The following ZNF267 variants were observed in gnomAD, a reference collection of about 807,000 sequenced individuals.
ZNF267 encodes zinc finger (C2H2).
Under a neutral mutation model 71.6 loss-of-function variants are expected in ZNF267, and 61 were observed. The observed-to-expected ratio is 0.85, with a 90% CI of 0.69 to 1.05. ZNF267 has a LOEUF of 1.05. Among genes scored for constraint, ZNF267 ranks in the 50% least tolerant of loss-of-function variants. The pLI is 0.00. For synonymous variants in ZNF267, 288 were observed against 293.2 expected (o/e 0.98, Z 0.18); for missense variants, 852 against 870.0 (o/e 0.98, Z 0.26).
chr16:31,886,109 A>G (rs901162070), intron 3 of ZNF267, among the ~76,000 whole-genome samples: 11 of 152,260 alleles, frequency 7.2e-5, no homozygotes, highest in African/African-American at 2.6e-4. Context: ...TTCTAGACAT[A>G]TGATTCTTTC....
Position 31,916,678 on chromosome 16 carries a change from A to G in ZNF267, c.*197A>G, listed in dbSNP as rs926268806. On this transcript the variant is annotated 3_prime_UTR_variant, in exon 4 of 4. Transcript: ENST00000300870. ...TTAAAAATGTGGCAAATTATTTTAAACTGTGCTCAACCCTTACTCAAGATA... is the reference window on the plus strand; with the variant it reads ...TTAAAAATGTGGCAAATTATTTTAAGCTGTGCTCAACCCTTACTCAAGATA... 3.3e-6 allele frequency: 2 copies of G among 609,074 alleles called. No homozygotes were observed. Among genetic ancestry groups the G allele is most frequent in the Admixed American group, 3.1e-5 (1 of 32,326 alleles). The allele number at this position is 609,074 out of a possible 1,614,324, so 37.7% of individuals were successfully genotyped here.
intron 1 of ZNF267, 77 bp downstream of exon 1, chr16:31,874,046 A>C: frequency 6.6e-7 from 1 of 1,520,892 alleles, no homozygotes; most frequent in Non-Finnish European, 9.0e-7. Flanking sequence ...CTGTAGGGGC[A>C]CCCGGGCCTC....
At position 31,896,459 on chromosome 16, in the gene ZNF267, A is replaced by T. The variant is rs575425157; in HGVS notation, c.226+11203A>T. Among the ~76,000 whole-genome samples, 129 of 152,300 alleles carry T rather than the reference A, an allele frequency of 8.5e-4. 1 individual carries two copies. Among genetic ancestry groups the T allele is most frequent in the Non-Finnish European group, 1.5e-3 (104 of 68,026 alleles). On this transcript the variant is annotated intron_variant, in intron 3 of 3. Transcript: ENST00000300870. ...TCCAGTTTGACTTGATTTTTTTGGT[A>T]TATGGTGAGTGGTAGCAGTGTAGTC...
intron 1 of ZNF267, among the ~76,000 whole-genome samples, chr16:31,881,670 C>CTTTTTTTTTTTT (rs747627467): frequency 7.2e-5 from 9 of 125,532 alleles, no homozygotes; most frequent in South Asian, 2.5e-4. Flanking sequence ...TTTTCTTCTT[C>CTTTTTTTTTTTT]TTTTTTTTTT....
At chr16:31,912,411 C>A (rs2084142041) in intron 3 of ZNF267, 1 of 151,832 alleles carries the variant, frequency 6.6e-6, no homozygotes, top group South Asian at 2.1e-4. Flanking sequence ...AATCTGCTGC[C>A]AGACGTACTG....
At chr16:31,878,857 T>C (rs999516454) in intron 1 of ZNF267, among the ~76,000 whole-genome samples, 3 of 152,226 alleles carry the variant, frequency 2.0e-5, no homozygotes, top group African/African-American at 7.2e-5. Flanking sequence ...CTCAAGACCA[T>C]GGCGCTAGAT....
At chr16:31,898,967 A>G (rs2142348202) in intron 3 of ZNF267, among the ~76,000 whole-genome samples, 1 of 152,304 alleles carries the variant, frequency 6.6e-6, no homozygotes, top group Non-Finnish European at 1.5e-5. Flanking sequence ...AAAGGGATCA[A>G]TTCCGCAAGA....
At chr16:31,913,924 C>G (rs576768033) in intron 3 of ZNF267, 1 of 152,666 alleles carries the variant, frequency 6.6e-6, no homozygotes, top group East Asian at 1.9e-4. Context: ...GCTGGTACCT[C>G]AGGTGCAAGA....
rs1475782386 is a variant in ZNF267, at chr16:31,908,907, TG to T, written c.227-5568del. 2.6e-5 allele frequency among the ~76,000 whole-genome samples: 4 copies of T among 152,106 alleles called. No individual in the cohort carries two copies. The East Asian group carries it at 5.8e-4, about 22-fold the overall frequency. ...GATAGCTTTGCTATTCTGAGTCTTT[TG>T]TGGTTCCATATATATTTTAGGATTG... On this transcript the variant is annotated intron_variant, in intron 3 of 3. Transcript: ENST00000300870.
At chr16:31,899,149 T>G (rs955917384) in intron 3 of ZNF267, among the ~76,000 whole-genome samples, 5 of 152,144 alleles carry the variant, frequency 3.3e-5, no homozygotes, top group Non-Finnish European at 7.4e-5. Flanking sequence ...CAAGGATATC[T>G]AGGACTTGAA....
At chr16:31,906,295 C>G (rs2084089574) in intron 3 of ZNF267, among the ~76,000 whole-genome samples, 1 of 152,232 alleles carries the variant, frequency 6.6e-6, no homozygotes, top group Non-Finnish European at 1.5e-5. Context: ...CCACTACTCT[C>G]TTCAAAGCTG....
chr16:31,886,010 C>T (rs2083921682), intron 3 of ZNF267, among the ~76,000 whole-genome samples: 1 of 152,130 alleles, frequency 6.6e-6, no homozygotes, highest in African/African-American at 2.4e-5. Flanking sequence ...TAAACTGTTG[C>T]CTTGTATCTT....
At chr16:31,884,694 G>A (rs1296172242) in intron 2 of ZNF267, 70 bp downstream of exon 2, 3 of 1,502,270 alleles carry the variant, frequency 2.0e-6, no homozygotes, top group African/African-American at 1.4e-5. Flanking sequence ...TGTCCCTTGG[G>A]ATCTTGTGCT....
intron 3 of ZNF267, among the ~76,000 whole-genome samples, chr16:31,888,473 A>G (rs1427163917): frequency 1.3e-5 from 2 of 151,936 alleles, no homozygotes; most frequent in Non-Finnish European, 2.9e-5. Context: ...TCAGCATTTC[A>G]CTGTTTACTC....
chr16:31,895,079 G>A lies in ZNF267; in HGVS notation c.226+9823G>A, dbSNP rs573239190. On this transcript the variant is annotated intron_variant, in intron 3 of 3. Coordinates refer to ENST00000300870, the MANE Select transcript of ZNF267 (RefSeq NM_003414.6). ...GGGGCCTTCTGCTTTGCTGATGGCC[G>A]ACATCACCTCTCATATCATCTTGCT... 38 of 226,310 alleles carry A rather than the reference G, an allele frequency of 1.7e-4. No individual in the cohort carries two copies. In the Admixed American group the frequency reaches 1.9e-3, roughly 11 times the overall value. The allele number at this position is 226,310 out of a possible 1,614,324, so 14.0% of individuals were successfully genotyped here. A position where few individuals can be genotyped will look rare whatever the true frequency, so the allele number is the denominator to read the frequency against.
chr16:31,885,632 T>C (rs948649207), intron 3 of ZNF267, among the ~76,000 whole-genome samples: 1 of 152,188 alleles, frequency 6.6e-6, no homozygotes, highest in Non-Finnish European at 1.5e-5. Context: ...GTCAGAAGTG[T>C]GTGAGGAGAG....
chr16:31,904,980 G>A (rs535968381), intron 3 of ZNF267, among the ~76,000 whole-genome samples: 3 of 152,124 alleles, frequency 2.0e-5, no homozygotes. Context: ...GGGCAGGCCT[G>A]GTGGTGACAA....
intron 3 of ZNF267, among the ~76,000 whole-genome samples, chr16:31,891,815 G>A: frequency 6.6e-6 from 1 of 152,110 alleles, no homozygotes; most frequent in South Asian, 2.1e-4. Context: ...TTATGAAAAC[G>A]GAGTAATACA....
intron 3 of ZNF267, among the ~76,000 whole-genome samples, chr16:31,889,255 GTC>G (rs779378659): frequency 7.0e-6 from 1 of 143,268 alleles, no homozygotes; most frequent in East Asian, 2.1e-4. Context: ...TATTTTTCTA[GTC>G]TCTCTCTCTC....
Sources: gnomAD v4.1 joint callset for allele counts (sites outside exome capture counted in the v4.1 genomes callset) on GRCh38, gnomAD v4.1.1 for gene constraint, MANE v1.5 for transcripts, NCBI Gene and HGNC (gene_info 2026-07-23, HGNC 2026-07-21) for gene names.